Variants in GPC5 observed in about 807,000 individuals in gnomAD.
GPC5 encodes the protein glypican-5.
A neutral mutation model predicts 53.9 loss-of-function variants in GPC5; 47 were observed. The observed-to-expected ratio is 0.87, with a 90% CI of 0.69 to 1.11. The LOEUF (loss-of-function observed/expected upper bound fraction) is 1.11. Among genes scored for constraint, GPC5 ranks in the 50% most tolerant of loss-of-function variants. GPC5 has a pLI of 0.00. For synonymous variants in GPC5, 286 were observed against 263.3 expected, an observed-to-expected ratio of 1.09 and a Z score of -0.84; for missense variants, 748 against 713.1, an observed-to-expected ratio of 1.05 and a Z score of -0.56.
chr13:92,592,924 T>G (rs1594330266), intron 7 of GPC5, among the ~76,000 whole-genome samples: 1 of 151,120 alleles, frequency 6.6e-6, no homozygotes, highest in South Asian at 2.1e-4. Flanking sequence ...TATTTCAGAC[T>G]TCCCCCAAGG....
rs192043534 is a variant in GPC5, at chr13:92,285,958, C to T, written c.1561+140969C>T. ...CCTACCATCAGAGTGAACAGGCAAC[C>T]TACAGAATGGGAGAAAATTTTTGCT... On this transcript the variant is annotated intron_variant, in intron 7 of 7. Coordinates refer to ENST00000377067, the MANE Select transcript of GPC5 (RefSeq NM_004466.6). Among the ~76,000 whole-genome samples the T allele has an allele frequency of 3.0e-4, 45 of 151,846 alleles. No individual in the cohort carries two copies. In the East Asian group the frequency reaches 8.1e-3, roughly 27 times the overall value.
At chr13:91,811,326 A>G (rs2038308493) in intron 5 of GPC5, among the ~76,000 whole-genome samples, 1 of 152,114 alleles carries the variant, frequency 6.6e-6, no homozygotes, top group South Asian at 2.1e-4. Flanking sequence ...AAGACAGATA[A>G]GTGTTACTTA....
intron 2 of GPC5, among the ~76,000 whole-genome samples, chr13:91,580,804 A>G (rs1386715565): frequency 2.6e-5 from 4 of 152,176 alleles, no homozygotes; most frequent in Admixed American, 6.5e-5. Context: ...TTTTGCCCAT[A>G]TTCATATATT....
At chr13:91,835,649 C>T (rs2038715166) in intron 5 of GPC5, among the ~76,000 whole-genome samples, 1 of 152,044 alleles carries the variant, frequency 6.6e-6, no homozygotes, top group Non-Finnish European at 1.5e-5. Context: ...AAACCAAACA[C>T]CCCGTGTTCT....
At chr13:92,281,213 A>G (rs1364801804) in intron 7 of GPC5, among the ~76,000 whole-genome samples, 1 of 152,174 alleles carries the variant, frequency 6.6e-6, no homozygotes, top group East Asian at 1.9e-4. Context: ...GGAGCCTGCC[A>G]TTGCTGAGGC....
intron 7 of GPC5, among the ~76,000 whole-genome samples, chr13:92,545,396 T>G (rs562516044): frequency 1.3e-5 from 2 of 152,316 alleles, no homozygotes; most frequent in East Asian, 3.9e-4. Context: ...GCATGTGTCT[T>G]TATAGCAGCA....
At chr13:92,781,711 C>T (rs528510886) in intron 7 of GPC5, among the ~76,000 whole-genome samples, 22 of 152,202 alleles carry the variant, frequency 1.4e-4, no homozygotes, top group Admixed American at 3.3e-4. Context: ...AATAAGGGAA[C>T]GCTTTCATTA....
Position 91,542,853 on chromosome 13 carries a change from T to A in GPC5, c.325+93931T>A, listed in dbSNP as rs2030033621. Among the ~76,000 whole-genome samples the A allele has an allele frequency of 4.4e-5, 5 of 113,630 alleles. No homozygotes were observed. In the South Asian group the frequency reaches 2.3e-3, roughly 52 times the overall value. 74.5% of individuals were successfully genotyped at this position (113,630 alleles called of 152,430 possible). On this transcript the variant is annotated intron_variant, in intron 2 of 7. Transcript: ENST00000377067. ...CATGCATCACCATGCCCAGCCAATTTTTTTTTTTTTTTTTTTTTTTTGAGA... is the reference window on the plus strand; with the variant it reads ...CATGCATCACCATGCCCAGCCAATTATTTTTTTTTTTTTTTTTTTTTGAGA...
chr13:92,262,060 G>T (rs998231736), intron 7 of GPC5, among the ~76,000 whole-genome samples: 6 of 152,020 alleles, frequency 3.9e-5, no homozygotes, highest in Non-Finnish European at 7.4e-5. Flanking sequence ...TGTAATAAAT[G>T]TAAAAGAAGA....
chr13:92,858,903 T>C (rs1879093359), intron 7 of GPC5, among the ~76,000 whole-genome samples: 1 of 152,198 alleles, frequency 6.6e-6, no homozygotes, highest in Non-Finnish European at 1.5e-5. Flanking sequence ...AATTTAACTC[T>C]GTATAGAATT....
At chr13:91,558,224 T>C (rs893780458) in intron 2 of GPC5, among the ~76,000 whole-genome samples, 1 of 152,092 alleles carries the variant, frequency 6.6e-6, no homozygotes, top group Non-Finnish European at 1.5e-5. Flanking sequence ...GTAAGTACCA[T>C]GTGTATTTGC....
chr13:91,474,157 A>G (rs987668912), intron 2 of GPC5, among the ~76,000 whole-genome samples: 2 of 152,144 alleles, frequency 1.3e-5, no homozygotes, highest in Non-Finnish European at 2.9e-5. Context: ...AAATTTATAT[A>G]ATGTCATTTT....
At chr13:92,419,338 T>A (rs1007703790) in intron 7 of GPC5, among the ~76,000 whole-genome samples, 1 of 152,184 alleles carries the variant, frequency 6.6e-6, no homozygotes, top group African/African-American at 2.4e-5. Context: ...AGCAAGTGAT[T>A]TTTTTCTTCC....
rs1447586700 is a variant in GPC5 at position 91,920,924 on chromosome 13, C to CTTT, written c.1401+12868_1401+12869insTTT. ...TTTTTAAATCTCTCTCTCTCTCTCT[C>CTTT]TCTTTTTTTTTTTTTTTTTTTTTTT... On this transcript the variant is annotated intron_variant, in intron 6 of 7. Coordinates refer to ENST00000377067, the MANE Select transcript of GPC5 (RefSeq NM_004466.6). Among the ~76,000 whole-genome samples the CTTT allele has an allele frequency of 2.0e-3, 121 of 59,562 alleles. 7 individuals are homozygous for CTTT. The highest frequency in any genetic ancestry group is 7.9e-3 in the African/African-American group (115 of 14,634). 39.1% of individuals were successfully genotyped at this position (59,562 alleles called of 152,430 possible).
chr13:91,586,769 A>G (rs1285786565), intron 2 of GPC5, among the ~76,000 whole-genome samples: 1 of 150,782 alleles, frequency 6.6e-6, no homozygotes, highest in Admixed American at 6.6e-5. Context: ...AACCATATCA[A>G]CAAGTCTTGA....
intron 2 of GPC5, among the ~76,000 whole-genome samples, chr13:91,546,830 G>T (rs1264717857): frequency 6.6e-6 from 1 of 152,078 alleles, no homozygotes; most frequent in Admixed American, 6.5e-5. Flanking sequence ...CTTTAAAAAA[G>T]ATCACCTTGC....
intron 7 of GPC5, among the ~76,000 whole-genome samples, chr13:92,434,167 T>C (rs1877207148): frequency 6.6e-6 from 1 of 152,180 alleles, no homozygotes; most frequent in Non-Finnish European, 1.5e-5. Context: ...TGTTCTACTT[T>C]TAATGCATAA....
rs559788746 is a variant in GPC5 at position 92,297,705 on chromosome 13, G to A, written c.1561+152716G>A. Among the ~76,000 whole-genome samples, 37 of 152,124 alleles carry A rather than the reference G, an allele frequency of 2.4e-4. No individual in the cohort carries two copies. The South Asian group carries it at 5.0e-3, about 21-fold the overall frequency. On this transcript the variant is annotated intron_variant, in intron 7 of 7. Coordinates refer to ENST00000377067, the MANE Select transcript of GPC5 (RefSeq NM_004466.6). Reference sequence around the variant, plus strand: ...AGCGCCCTGACAAAACAGGCCTCTCGGCTCTACCAATCAGCAGGATGTGGG... The same window carrying A: ...AGCGCCCTGACAAAACAGGCCTCTCAGCTCTACCAATCAGCAGGATGTGGG...
chr13:92,685,511 AAAT>A (rs1023005334), intron 7 of GPC5, among the ~76,000 whole-genome samples: 8 of 147,768 alleles, frequency 5.4e-5, no homozygotes, highest in African/African-American at 2.0e-4. Flanking sequence ...CATTTTAAAA[AAAT>A]AATCAAGTTA....
Sources: allele counts gnomAD v4.1 joint callset (sites outside exome capture counted in the v4.1 genomes callset), GRCh38; gene constraint gnomAD v4.1.1; transcripts MANE v1.5; gene names NCBI Gene and HGNC (gene_info 2026-07-23, HGNC 2026-07-21).